PLXNA4: variants seen among roughly 807,000 people sequenced by gnomAD.
The protein encoded by PLXNA4 is plexin-A4.
Under a neutral mutation model 191.8 loss-of-function variants are expected in PLXNA4, and 44 were observed. The ratio of observed to expected loss-of-function variants is 0.23; its 90% CI spans 0.18 to 0.29. PLXNA4 has a LOEUF of 0.29. Ranked by LOEUF, PLXNA4 falls within the 10% of genes least tolerant of loss-of-function variation. The pLI is 1.00. For synonymous variants in PLXNA4, 1,082 were observed against 1,009.5 expected (o/e 1.07, Z -1.36); for missense variants, 1,800 against 2,488.8 (o/e 0.72, Z 5.89).
chr7:132,510,922 T>C (rs569954084), intron 1 of PLXNA4, among the ~76,000 whole-genome samples: 1 of 152,202 alleles, frequency 6.6e-6, no homozygotes, highest in East Asian at 1.9e-4. Flanking sequence ...CACTGGGAAG[T>C]TGAGACTGAA....
rs374593913 is a variant in PLXNA4 at position 132,202,742 on chromosome 7, G to T, written c.2490C>A (p.Gly830=). 14 of 1,611,624 alleles carry T rather than the reference G, an allele frequency of 8.7e-6. No homozygotes were observed. The highest frequency in any genetic ancestry group is 2.7e-5 in the African/African-American group (2 of 74,900). ...GGCAGTGCTGGCGCAGGGTGCACTG[G>T]CCTGGGCCCTGGCACCAGCCACATG... ...DFACGWCQGP[G]QCTLRQHCPA... Residue 830 remains glycine, a synonymous_variant, in exon 12 of 32, where the codon GGC becomes GGA. Coordinates refer to ENST00000321063, the MANE Select transcript of PLXNA4 (RefSeq NM_020911.2).
intron 2 of PLXNA4, among the ~76,000 whole-genome samples, chr7:132,501,710 C>T (rs1273653224): frequency 2.0e-5 from 3 of 152,176 alleles, no homozygotes; most frequent in Non-Finnish European, 4.4e-5. Flanking sequence ...GAGACAGGTG[C>T]CATCTCCGAG....
chr7:132,541,083 G>C (rs2116503860), intron 1 of PLXNA4, among the ~76,000 whole-genome samples: 1 of 152,286 alleles, frequency 6.6e-6, no homozygotes, highest in East Asian at 1.9e-4. Flanking sequence ...GTGCCAGACA[G>C]AGAGCCAGAG....
chr7:132,553,832 C>T (rs946889563), intron 1 of PLXNA4, among the ~76,000 whole-genome samples: 5 of 152,062 alleles, frequency 3.3e-5, no homozygotes, highest in African/African-American at 1.2e-4. Flanking sequence ...TCTGGTTGAC[C>T]AGAACTTGGT....
intron 3 of PLXNA4, among the ~76,000 whole-genome samples, chr7:132,356,143 T>G (rs1032975726): frequency 2.6e-5 from 4 of 152,174 alleles, no homozygotes; most frequent in Non-Finnish European, 5.9e-5. Flanking sequence ...AAGCCAGATC[T>G]TCCTAGAAGC....
chr7:132,408,976 A>G (rs550068915), intron 3 of PLXNA4, among the ~76,000 whole-genome samples: 14 of 151,652 alleles, frequency 9.2e-5, no homozygotes, highest in African/African-American at 3.1e-4. Flanking sequence ...TGTGTTTGAG[A>G]CTGAGAATGG....
At chr7:132,629,383 G>C (rs1282272558) in intron 2 of PLXNA4, among the ~76,000 whole-genome samples, 1 of 152,178 alleles carries the variant, frequency 6.6e-6, no homozygotes, top group Non-Finnish European at 1.5e-5. Flanking sequence ...GACTTGTAAA[G>C]GGCATCTGGT....
At chr7:132,167,862 T>G (rs985424355) in intron 22 of PLXNA4, among the ~76,000 whole-genome samples, 1 of 152,182 alleles carries the variant, frequency 6.6e-6, no homozygotes, top group Non-Finnish European at 1.5e-5. Flanking sequence ...GATTCTGCTT[T>G]TCTAACAAGC....
chr7:132,138,211 T>G (rs1795169237), intron 30 of PLXNA4, among the ~76,000 whole-genome samples: 2 of 152,098 alleles, frequency 1.3e-5, no homozygotes, highest in African/African-American at 4.8e-5. Flanking sequence ...CTTCCCCAAA[T>G]ACATGCAGAG....
At chr7:132,210,859 G>A in intron 10 of PLXNA4, 84 bp downstream of exon 10, 1 of 1,459,056 alleles carries the variant, frequency 6.9e-7, no homozygotes, top group Non-Finnish European at 9.4e-7. Flanking sequence ...CTGCAGGGCT[G>A]AGCTGATTTG....
intron 2 of PLXNA4, among the ~76,000 whole-genome samples, chr7:132,607,303 C>A (rs1004311919): frequency 4.6e-5 from 7 of 152,126 alleles, no homozygotes; most frequent in Admixed American, 3.3e-4. Flanking sequence ...GGAAAAGCAG[C>A]CTCTCTCCTT....
At chr7:132,155,477 C>G (rs1246977777) in intron 25 of PLXNA4, among the ~76,000 whole-genome samples, 1 of 152,212 alleles carries the variant, frequency 6.6e-6, no homozygotes, top group Non-Finnish European at 1.5e-5. Flanking sequence ...CCTTGGCACC[C>G]CCAAGCCTGG....
At chr7:132,594,217 G>A (rs1054079366) in intron 2 of PLXNA4, among the ~76,000 whole-genome samples, 3 of 152,138 alleles carry the variant, frequency 2.0e-5, no homozygotes, top group Non-Finnish European at 4.4e-5. Flanking sequence ...CAACATGACC[G>A]GTGTCTTTAT....
At chr7:132,425,074 A>T (rs1033700904) in intron 3 of PLXNA4, among the ~76,000 whole-genome samples, 1 of 152,146 alleles carries the variant, frequency 6.6e-6, no homozygotes, top group African/African-American at 2.4e-5. Context: ...GAACACAGAA[A>T]ACCATTCCTG....
rs577019351 is a variant in PLXNA4, at chr7:132,633,979, A to C, written c.-87+11949T>G. Among the ~76,000 whole-genome samples the C allele has an allele frequency of 1.2e-3, 177 of 151,088 alleles. 2 individuals carry two copies. The East Asian group carries it at 0.023, about 19-fold the overall frequency. ...CACCACACTGCACCACACACACACAAACACACAGTGTATGGCAGATGCACC... is the reference window on the plus strand; with the variant it reads ...CACCACACTGCACCACACACACACACACACACAGTGTATGGCAGATGCACC... On this transcript the variant is annotated intron_variant, in intron 2 of 4. Coordinates refer to the PLXNA4 transcript ENST00000378539.
chr7:132,502,436 A>C (rs1415313807), intron 2 of PLXNA4, among the ~76,000 whole-genome samples: 1 of 152,176 alleles, frequency 6.6e-6, no homozygotes, highest in African/African-American at 2.4e-5. Flanking sequence ...TAAACTCCAG[A>C]GTCAGGTGGG....
chr7:132,223,760 T>C (rs755378265), intron 8 of PLXNA4, 119 bp from the exon 9 acceptor site: 10 of 739,242 alleles, frequency 1.4e-5, no homozygotes, highest in Non-Finnish European at 7.0e-6. Flanking sequence ...CCGTTGAATG[T>C]GCAGGAAGGG....
intron 3 of PLXNA4, among the ~76,000 whole-genome samples, chr7:132,374,536 C>T (rs6467437): frequency 0.45 from 68,336 of 152,014 alleles, 17,977 homozygotes; most frequent in African/African-American, 0.73. Context: ...GGTATCAGAA[C>T]GCATCCATCA....
chr7:132,616,618 A>T (rs1318735322), intron 2 of PLXNA4, among the ~76,000 whole-genome samples: 1 of 152,250 alleles, frequency 6.6e-6, no homozygotes, highest in Non-Finnish European at 1.5e-5. Flanking sequence ...CATTATTTAT[A>T]CTACAAATAG....
Sources: gnomAD v4.1 joint callset for allele counts (sites outside exome capture counted in the v4.1 genomes callset) on GRCh38, gnomAD v4.1.1 for gene constraint, MANE v1.5 for transcripts, NCBI Gene and HGNC (gene_info 2026-07-23, HGNC 2026-07-21) for gene names.